Variants in DENND1B observed in about 807,000 individuals in gnomAD.
DENND1B encodes DENN domain-containing protein 1B.
In DENND1B, 59 loss-of-function variants were observed where a neutral mutation model predicts 90.1. The ratio of observed to expected loss-of-function variants is 0.65; its 90% CI spans 0.53 to 0.81. DENND1B has a LOEUF of 0.81. DENND1B is among the 40% of genes least tolerant of loss of function. DENND1B has a pLI of 0.00. For missense variants in DENND1B, 862 were observed against 912.6 expected, an observed-to-expected ratio of 0.94 and a Z score of 0.71; for synonymous variants, 337 against 324.6, an observed-to-expected ratio of 1.04 and a Z score of -0.41.
chr1:197,530,207 C>A (rs929286931), intron 20 of DENND1B, among the ~76,000 whole-genome samples: 2 of 152,116 alleles, frequency 1.3e-5, no homozygotes, highest in African/African-American at 4.8e-5. Flanking sequence ...AGGCTTAGAA[C>A]TTTGTTCTTT....
intron 3 of DENND1B, among the ~76,000 whole-genome samples, chr1:197,691,538 C>T (rs1657881760): frequency 1.3e-5 from 2 of 151,958 alleles, no homozygotes; most frequent in Non-Finnish European, 2.9e-5. Flanking sequence ...GCTACAGCAG[C>T]TATGGAAAAC....
intron 10 of DENND1B, among the ~76,000 whole-genome samples, 191 bp from the exon 11 acceptor site, chr1:197,617,950 G>A (rs1011918618): frequency 2.6e-5 from 4 of 150,970 alleles, no homozygotes; most frequent in African/African-American, 9.7e-5. Context: ...TATATAAACA[G>A]CAAAAGAAGC....
At chr1:197,630,786 T>G (rs1274136318) in intron 10 of DENND1B, among the ~76,000 whole-genome samples, 2 of 152,172 alleles carry the variant, frequency 1.3e-5, no homozygotes, top group East Asian at 3.9e-4. Context: ...CCAAGATTAC[T>G]AAGCCAGCAA....
intron 2 of DENND1B, among the ~76,000 whole-genome samples, chr1:197,756,411 C>T (rs1033621504): frequency 1.3e-5 from 2 of 151,852 alleles, no homozygotes; most frequent in African/African-American, 2.4e-5. Flanking sequence ...CACATCTCTA[C>T]TAAAAACACA....
In DENND1B at chr1:197,543,546, C is replaced by T. The variant is rs79893235; in HGVS notation, c.1350+2376G>A. On this transcript the variant is annotated intron_variant, in intron 18 of 22. Transcript: ENST00000620048. Reference sequence around the variant, plus strand: ...ATGTGAGAAACAAGGATCAACATTACTTTGCTTTTTCACATGGTAGTTGTG... The same window carrying T: ...ATGTGAGAAACAAGGATCAACATTATTTTGCTTTTTCACATGGTAGTTGTG... Among the ~76,000 whole-genome samples, 99 of 152,214 alleles carry T rather than the reference C, an allele frequency of 6.5e-4. 1 individual carries two copies. The East Asian group carries it at 0.019, about 29-fold the overall frequency.
intron 10 of DENND1B, among the ~76,000 whole-genome samples, chr1:197,623,381 C>A (rs991614339): frequency 6.6e-6 from 1 of 151,156 alleles, no homozygotes; most frequent in Non-Finnish European, 1.5e-5. Flanking sequence ...TGTTTAAACA[C>A]ATTTAATTTA....
intron 14 of DENND1B, among the ~76,000 whole-genome samples, chr1:197,588,015 G>A (rs1365511461): frequency 2.6e-5 from 4 of 152,122 alleles, no homozygotes; most frequent in African/African-American, 9.7e-5. Flanking sequence ...AAGCAGTAAT[G>A]TGAGCCATGG....
intron 1 of DENND1B, among the ~76,000 whole-genome samples, chr1:197,774,078 C>A (rs1285801100): frequency 6.6e-6 from 1 of 152,162 alleles, no homozygotes; most frequent in East Asian, 1.9e-4. Context: ...TAACTTGTTT[C>A]AATGGGAATA....
At chr1:197,567,630 A>T (rs1284184154) in intron 15 of DENND1B, among the ~76,000 whole-genome samples, 1 of 152,080 alleles carries the variant, frequency 6.6e-6, no homozygotes, top group East Asian at 1.9e-4. Context: ...TTTTAAAAGG[A>T]TTATCCCTGG....
intron 2 of DENND1B, among the ~76,000 whole-genome samples, chr1:197,761,030 C>G (rs897666587): frequency 6.6e-6 from 1 of 152,158 alleles, no homozygotes; most frequent in Non-Finnish European, 1.5e-5. Flanking sequence ...AACCTGTACA[C>G]AGTGAAAGAA....
At chr1:197,738,567 G>A (rs1206584823) in intron 2 of DENND1B, among the ~76,000 whole-genome samples, 1 of 152,196 alleles carries the variant, frequency 6.6e-6, no homozygotes, top group Non-Finnish European at 1.5e-5. Context: ...TTGGCAGAAA[G>A]ATGACAGAAG....
intron 11 of DENND1B, among the ~76,000 whole-genome samples, chr1:197,614,523 C>G (rs1677464969): frequency 6.6e-6 from 1 of 150,906 alleles, no homozygotes; most frequent in Non-Finnish European, 1.5e-5. Flanking sequence ...ATGTTTTGTC[C>G]TCTATGTGAA....
intron 7 of DENND1B, among the ~76,000 whole-genome samples, chr1:197,651,118 T>G (rs1225771216): frequency 6.6e-6 from 1 of 152,016 alleles, no homozygotes; most frequent in African/African-American, 2.4e-5. Flanking sequence ...ACAAAAGACT[T>G]ATATATACTT....
rs1426246798 is a variant in DENND1B, at chr1:197,505,240, T to A, written c.*5220A>T. Reference sequence around the variant, plus strand: ...TTATTAAATGGCTCTCAAAATAACGTTATGGAAGTTACACTGTCAGAAGGA... The same window carrying A: ...TTATTAAATGGCTCTCAAAATAACGATATGGAAGTTACACTGTCAGAAGGA... On this transcript the variant is annotated 3_prime_UTR_variant, in exon 23 of 23. Coordinates refer to ENST00000620048, the MANE Select transcript of DENND1B (RefSeq NM_001195215.2). 5 of 151,668 alleles carry A rather than the reference T, an allele frequency of 3.3e-5. No homozygotes were observed. The highest frequency in any genetic ancestry group is 7.4e-5 in the Non-Finnish European group (5 of 67,794). 9.4% of individuals were successfully genotyped at this position (151,668 alleles called of 1,614,324 possible). A position where few individuals can be genotyped will look rare whatever the true frequency, so the allele number is the denominator to read the frequency against.
chr1:197,706,919 C>T (rs901107829), intron 3 of DENND1B, among the ~76,000 whole-genome samples: 2 of 152,142 alleles, frequency 1.3e-5, no homozygotes, highest in African/African-American at 4.8e-5. Flanking sequence ...AGCAATCCCA[C>T]TACTGGGTAT....
At chr1:197,666,048 T>C (rs1045349047) in intron 5 of DENND1B, among the ~76,000 whole-genome samples, 1 of 152,142 alleles carries the variant, frequency 6.6e-6, no homozygotes, top group Non-Finnish European at 1.5e-5. Context: ...GAGAAGGTAT[T>C]AACATATTTT....
At chr1:197,587,237 T>C (rs188015482) in intron 14 of DENND1B, among the ~76,000 whole-genome samples, 257 of 152,330 alleles carry the variant, frequency 1.7e-3, no homozygotes, top group Non-Finnish European at 2.9e-3. Flanking sequence ...TTTTTAAATG[T>C]TGTATTATTC....
intron 3 of DENND1B, among the ~76,000 whole-genome samples, chr1:197,685,435 T>C (rs1416456017): frequency 3.9e-5 from 6 of 152,138 alleles, no homozygotes; most frequent in Non-Finnish European, 8.8e-5. Context: ...TTATAACTCC[T>C]TCAACTTAAA....
intron 8 of DENND1B, among the ~76,000 whole-genome samples, chr1:197,646,365 A>G (rs1680733046): frequency 6.6e-6 from 1 of 151,890 alleles, no homozygotes; most frequent in Non-Finnish European, 1.5e-5. Flanking sequence ...CCAAATATTA[A>G]TTAGCTTCTA....
Sources: allele counts gnomAD v4.1 joint callset (sites outside exome capture counted in the v4.1 genomes callset), GRCh38; gene constraint gnomAD v4.1.1; transcripts MANE v1.5; gene names NCBI Gene and HGNC (gene_info 2026-07-23, HGNC 2026-07-21).